Variants in DDX42 observed in about 807,000 individuals in gnomAD.
The protein encoded by DDX42 is ATP-dependent RNA helicase DDX42.
Under a neutral mutation model 101.5 loss-of-function variants are expected in DDX42, and 22 were observed. That is an observed-to-expected ratio of 0.22 (90% CI 0.15 to 0.31). DDX42 has a LOEUF of 0.31. Among genes scored for constraint, DDX42 ranks in the 10% least tolerant of loss-of-function variants. The pLI is 1.00. For synonymous variants in DDX42, 402 were observed against 401.2 expected (o/e 1.00, Z -0.02); for missense variants, 849 against 1,199.9 (o/e 0.71, Z 4.32).
intron 6 of DDX42, among the ~76,000 whole-genome samples, chr17:63,803,126 A>G (rs758773847): frequency 3.9e-5 from 6 of 152,212 alleles, no homozygotes; most frequent in Non-Finnish European, 8.8e-5. Flanking sequence ...TGATCAATGT[A>G]TGACATTACA....
intron 6 of DDX42, among the ~76,000 whole-genome samples, chr17:63,804,392 C>T (rs1459524876): frequency 1.3e-5 from 2 of 152,124 alleles, no homozygotes; most frequent in Non-Finnish European, 2.9e-5. Context: ...GAAGTGACTA[C>T]TACTTTCTGG....
chr17:63,779,960 T>C (rs2039466704), intron 1 of DDX42, among the ~76,000 whole-genome samples: 1 of 152,194 alleles, frequency 6.6e-6, no homozygotes, highest in Admixed American at 6.5e-5. Context: ...CAAATCTCTG[T>C]GATTGTCAAG....
At chr17:63,773,955 T>A (rs555355666), upstream of DDX42, 1 of 185,638 alleles carries the variant, frequency 5.4e-6, no homozygotes, top group African/African-American at 2.4e-5. Context: ...TCTCTTGGGA[T>A]TTTTGGCTAG....
At chr17:63,794,024 C>T (rs950000773) in intron 3 of DDX42, among the ~76,000 whole-genome samples, 2 of 152,060 alleles carry the variant, frequency 1.3e-5, no homozygotes, top group African/African-American at 4.8e-5. Context: ...GTTTCCCATA[C>T]ATCATGCTGC....
intron 1 of DDX42, among the ~76,000 whole-genome samples, chr17:63,786,178 A>C (rs2039545488): frequency 6.6e-6 from 1 of 152,226 alleles, no homozygotes; most frequent in Non-Finnish European, 1.5e-5. Flanking sequence ...TAGAAAATAT[A>C]ATCATTTGTT....
intron 4 of DDX42, chr17:63,798,303 T>C (rs939451116): frequency 9.4e-5 from 43 of 456,790 alleles, no homozygotes; most frequent in African/African-American, 7.1e-4. Flanking sequence ...TTCAGTTTGG[T>C]AGAATAGTAT....
Position 63,819,055 on chromosome 17 carries a change from A to G in DDX42, c.*657A>G, listed in dbSNP as rs1316439270. The G allele has an allele frequency of 6.6e-6, 1 of 152,436 alleles. No individual in the cohort carries two copies. The highest frequency in any genetic ancestry group is 1.5e-5 in the Non-Finnish European group (1 of 68,084). The allele number at this position is 152,436 out of a possible 1,614,324, so 9.4% of individuals were successfully genotyped here. A position where few individuals can be genotyped will look rare whatever the true frequency, so the allele number is the denominator to read the frequency against. On this transcript the variant is annotated 3_prime_UTR_variant, in exon 18 of 18. Transcript: ENST00000389924. ...CTGGTAACTGTTCCAGGATTGCTCC[A>G]GGTTTGAGATGGTATTGCTAAATTT... is the stretch of plus-strand genomic sequence containing the variant.
intron 1 of DDX42, among the ~76,000 whole-genome samples, chr17:63,785,504 GT>G (rs1312362143): frequency 2.9e-5 from 4 of 138,970 alleles, no homozygotes; most frequent in African/African-American, 8.6e-5. Context: ...GCTCATGCCT[GT>G]AATCCCAGCA....
At position 63,785,614 on chromosome 17, in the gene DDX42, AAAAAG is replaced by A. The variant is rs530762314; in HGVS notation, c.-16-1416_-16-1412del. The stretch of plus-strand genomic sequence containing the variant: ...AGACCCTGTTCCTTAAAAAAAAAAA[AAAAAG>A]AAAGAAAAGGTTTTTGGAGCCAAGA... On this transcript the variant is annotated intron_variant, in intron 1 of 17. Transcript: ENST00000389924. Among the ~76,000 whole-genome samples the A allele has an allele frequency of 8.3e-3, 1,259 of 152,126 alleles. 21 individuals carry two copies. The highest frequency in any genetic ancestry group is 0.028 in the African/African-American group (1,173 of 41,470).
chr17:63,789,448 A>AAGTGATCC (rs2039592108), intron 2 of DDX42, among the ~76,000 whole-genome samples: 1 of 151,924 alleles, frequency 6.6e-6, no homozygotes, highest in Non-Finnish European at 1.5e-5. Flanking sequence ...TCCTGGGCTC[A>AAGTGATCC]AGTGATCCTC....
intron 6 of DDX42, among the ~76,000 whole-genome samples, chr17:63,801,652 A>C (rs1473714148): frequency 6.7e-6 from 1 of 148,570 alleles, no homozygotes; most frequent in Non-Finnish European, 1.5e-5. Flanking sequence ...ATGGGATTTT[A>C]CCACGTTGGC....
At chr17:63,799,543 TGTGGAACATTTGCAGGGAA>T in intron 4 of DDX42, 27 bp from the exon 5 acceptor site, 1 of 1,609,604 alleles carries the variant, frequency 6.2e-7, no homozygotes, top group Admixed American at 1.7e-5. Context: ...GAGCTGGGTA[TGTGGAACATTTGCAGGGAA>T]GTTTGTTTCT....
intron 6 of DDX42, among the ~76,000 whole-genome samples, chr17:63,801,381 C>T (rs1162437421): frequency 1.3e-5 from 2 of 151,706 alleles, no homozygotes; most frequent in East Asian, 3.9e-4. Flanking sequence ...AAACTGGGAA[C>T]GTTTTGGCCT....
At chr17:63,800,727 C>A in intron 6 of DDX42, 110 bp downstream of exon 6, 1 of 1,324,658 alleles carries the variant, frequency 7.5e-7, no homozygotes, top group Non-Finnish European at 1.0e-6. Flanking sequence ...TGAGCGTATG[C>A]ATCTTGTCAT....
chr17:63,806,689 G>A lies in DDX42; in HGVS notation c.846+35G>A. 1.9e-6 allele frequency: 3 copies of A among 1,582,506 alleles called. No homozygotes were observed. The South Asian group carries it at 3.5e-5, about 18-fold the overall frequency. ...ACATAATGAAAGAAAAATAAAGTAGGGTAGTCTTTCATGACTATATTAATT... is the reference window on the plus strand; with the variant it reads ...ACATAATGAAAGAAAAATAAAGTAGAGTAGTCTTTCATGACTATATTAATT... On this transcript the variant is annotated intron_variant, in intron 8 of 17. Transcript: ENST00000389924.
intron 8 of DDX42, 73 bp from the exon 9 acceptor site, chr17:63,807,651 A>G: frequency 7.2e-7 from 1 of 1,390,852 alleles, no homozygotes; most frequent in Non-Finnish European, 9.9e-7. Context: ...GTCATTTATC[A>G]TTCCCCAGGA....
chr17:63,812,469 A>G (rs141691410), intron 14 of DDX42, among the ~76,000 whole-genome samples: 61 of 152,310 alleles, frequency 4.0e-4, no homozygotes, highest in African/African-American at 1.4e-3. Flanking sequence ...AAGGCAGTGA[A>G]TGCCCTTATT....
Position 63,774,207 on chromosome 17 carries a change from TGGCGGTGGTGGCGGTGGCGGC to T in DDX42, c.-174_-154del, listed in dbSNP as rs1188150497. On this transcript the variant is annotated 5_prime_UTR_variant, in exon 1 of 18. Coordinates refer to ENST00000389924, the MANE Select transcript of DDX42 (RefSeq NM_203499.3). The stretch of plus-strand genomic sequence containing the variant: ...CCTTCAGCAACGGGCCGTGAGGCGG[TGGCGGTGGTGGCGGTGGCGGC>T]GGCGGTGGTGGTGGTGGCGGCGGCG... The T allele has an allele frequency of 1.2e-5, 3 of 244,752 alleles. No individual in the cohort carries two copies. The highest frequency in any genetic ancestry group is 2.9e-5 in the African/African-American group (1 of 34,778). The allele number at this position is 244,752 out of a possible 1,614,324, so 15.2% of individuals were successfully genotyped here. A position where few individuals can be genotyped will look rare whatever the true frequency, so the allele number is the denominator to read the frequency against.
rs777235173 is a variant in DDX42, at chr17:63,805,195, A to G, written c.726+20A>G. 83 of 1,604,964 alleles carry G rather than the reference A, an allele frequency of 5.2e-5. No homozygotes were observed. Among genetic ancestry groups the G allele is most frequent in the Non-Finnish European group, 6.0e-5 (71 of 1,177,300 alleles). ...CTTCGGGTAAGCATCATTAAGCTCA[A>G]TATTCTTAATATTAATGTTAATTAG... On this transcript the variant is annotated intron_variant, in intron 7 of 17. Coordinates refer to ENST00000389924, the MANE Select transcript of DDX42 (RefSeq NM_203499.3).
Sources: allele counts gnomAD v4.1 joint callset (sites outside exome capture counted in the v4.1 genomes callset), GRCh38; gene constraint gnomAD v4.1.1; transcripts MANE v1.5; gene names NCBI Gene and HGNC (gene_info 2026-07-23, HGNC 2026-07-21).